The following ARHGAP32 variants were observed in gnomAD, a reference collection of about 807,000 sequenced individuals.
The protein encoded by ARHGAP32 is Rho GTPase activating protein 32, also known as rho GTPase-activating protein 32.
ARHGAP32 carries 51 observed loss-of-function variants against 186.5 expected under a neutral mutation model. The ratio of observed to expected loss-of-function variants is 0.27; its 90% CI spans 0.22 to 0.35. The LOEUF (loss-of-function observed/expected upper bound fraction) is 0.35. Among genes scored for constraint, ARHGAP32 ranks in the 10% least tolerant of loss-of-function variants. ARHGAP32 has a pLI of 1.00. For synonymous variants in ARHGAP32, 950 were observed against 964.3 expected (o/e 0.99, Z 0.27); for missense variants, 2,186 against 2,623.5 (o/e 0.83, Z 3.64).
Position 128,968,729 on chromosome 11 carries a change from A to G in ARHGAP32, c.*178T>C. ...AAAAATGACAAAGTCTATAGATGGAAGAGGGGGTAATGAAGCAGGGAAGGG... is the reference window on the plus strand; with the variant it reads ...AAAAATGACAAAGTCTATAGATGGAGGAGGGGGTAATGAAGCAGGGAAGGG... On this transcript the variant is annotated 3_prime_UTR_variant, in exon 23 of 23. Coordinates refer to ENST00000682385, the MANE Select transcript of ARHGAP32 (RefSeq NM_001378024.1). 4.2e-6 allele frequency: 2 copies of G among 475,560 alleles called. No individual in the cohort carries two copies. The highest frequency in any genetic ancestry group is 6.9e-6 in the Non-Finnish European group (2 of 290,096). The allele number at this position is 475,560 out of a possible 1,614,324, so 29.5% of individuals were successfully genotyped here. A position where few individuals can be genotyped will look rare whatever the true frequency, so the allele number is the denominator to read the frequency against.
At chr11:129,060,378 TAGATA>T (rs1406953922) in intron 10 of ARHGAP32, among the ~76,000 whole-genome samples, 12 of 145,118 alleles carry the variant, frequency 8.3e-5, no homozygotes, top group Non-Finnish European at 1.5e-4. Flanking sequence ...GATAGATAGA[TAGATA>T]AGATAGACAG....
chr11:129,186,214 T>G (rs1944157725), intron 1 of ARHGAP32, among the ~76,000 whole-genome samples: 2 of 152,264 alleles, frequency 1.3e-5, no homozygotes, highest in Middle Eastern at 3.4e-3. Flanking sequence ...AACCAGGAAC[T>G]TTTATACAGG....
intron 6 of ARHGAP32, among the ~76,000 whole-genome samples, chr11:129,078,890 C>T (rs920759580): frequency 6.6e-6 from 1 of 151,690 alleles, no homozygotes; most frequent in Non-Finnish European, 1.5e-5. Flanking sequence ...ACAAAAAAAT[C>T]TCCAGAGAAA....
intron 8 of ARHGAP32, 108 bp from the exon 9 acceptor site, chr11:129,064,132 G>C: frequency 8.1e-6 from 7 of 864,280 alleles, no homozygotes; most frequent in Non-Finnish European, 1.0e-5. Flanking sequence ...ATAACCCAAA[G>C]AGTCTTAAAA....
chr11:129,097,702 T>C (rs1036142633), intron 5 of ARHGAP32, among the ~76,000 whole-genome samples: 1 of 152,018 alleles, frequency 6.6e-6, no homozygotes, highest in African/African-American at 2.4e-5. Context: ...AACATACACA[T>C]GTAGGAGTAC....
chr11:129,091,757 T>C (rs1206090832), intron 6 of ARHGAP32, among the ~76,000 whole-genome samples: 2 of 152,046 alleles, frequency 1.3e-5, no homozygotes, highest in African/African-American at 4.8e-5. Flanking sequence ...GAAACTGAAA[T>C]CCTTGTAGTC....
chr11:129,130,213 C>G (rs1942778206), intron 2 of ARHGAP32, among the ~76,000 whole-genome samples: 1 of 152,138 alleles, frequency 6.6e-6, no homozygotes, highest in African/African-American at 2.4e-5. Context: ...ATTTATGACA[C>G]AGGAGCCAAT....
In ARHGAP32 at chr11:128,972,684, G is replaced by A. The variant is rs140063259; in HGVS notation, c.3822C>T (p.Thr1274=). ...CTGGAGTAGTTGTCATGTAAGTCAT[G>A]GTGGCTGTGCTGGTATTCTCTTCGG... ...GSPEENTSTA[T]MTYMTTTPAT... Residue 1274 remains threonine (T), a synonymous_variant, in exon 22 of 23, where the codon ACC becomes ACT. Coordinates refer to ENST00000682385, the MANE Select transcript of ARHGAP32 (RefSeq NM_001378024.1). The A allele has an allele frequency of 1.5e-5, 25 of 1,614,092 alleles. No homozygotes were observed. The highest frequency in any genetic ancestry group is 1.9e-5 in the Non-Finnish European group (23 of 1,180,014).
intron 11 of ARHGAP32, among the ~76,000 whole-genome samples, chr11:129,031,497 T>A (rs183625055): frequency 2.6e-5 from 4 of 152,316 alleles, no homozygotes; most frequent in Admixed American, 2.6e-4. Context: ...AACACCTGCA[T>A]TAAATCTAGT....
intron 1 of ARHGAP32, among the ~76,000 whole-genome samples, chr11:129,207,154 T>C (rs960798789): frequency 4.6e-5 from 7 of 152,196 alleles, no homozygotes; most frequent in South Asian, 2.1e-4. Flanking sequence ...CAGTCTATCA[T>C]TGATGGGCAT....
Position 129,209,563 on chromosome 11 carries a change from G to T in ARHGAP32, c.-4-45136C>A, listed in dbSNP as rs1333026510. On this transcript the variant is annotated intron_variant, in intron 1 of 6. Coordinates refer to the ARHGAP32 transcript ENST00000525234. The stretch of plus-strand genomic sequence containing the variant: ...GCCTTGACAGGAGCTGAATTCTTAT[G>T]TCAGAAATGGCTTGGAAGACTGCAA... Among the ~76,000 whole-genome samples, 7 of 152,066 alleles carry T rather than the reference G, an allele frequency of 4.6e-5. No homozygotes were observed. The East Asian group carries it at 1.4e-3, about 29-fold the overall frequency.
chr11:129,196,742 C>T (rs777211772), upstream of ARHGAP32, among the ~76,000 whole-genome samples: 2 of 152,118 alleles, frequency 1.3e-5, no homozygotes, highest in South Asian at 2.1e-4. Context: ...CCAGGATTAT[C>T]CAGTTCATAA....
chr11:128,969,126 G>A lies in ARHGAP32; in HGVS notation c.6087C>T (p.Ser2029=), dbSNP rs753008739. 6.2e-7 allele frequency: 1 copy of A among 1,606,330 alleles called. No individual in the cohort carries two copies. The highest frequency in any genetic ancestry group is 1.1e-5 in the South Asian group (1 of 90,016). Residue 2029 remains serine, a synonymous_variant, in exon 23 of 23, where the codon AGC becomes AGT. Coordinates refer to ENST00000682385, the MANE Select transcript of ARHGAP32 (RefSeq NM_001378024.1). The surrounding 1 kb of genome is among the most constrained non-coding windows in gnomAD (Gnocchi z 4.8). ...CATACTGGGACACAACAGTCACACTGCTCTGGCGCTTGCCGTGTGGTTGGT... is the reference window on the plus strand; with the variant it reads ...CATACTGGGACACAACAGTCACACTACTCTGGCGCTTGCCGTGTGGTTGGT... ...YQYQPHGKRQ[S]SVTVVSQYDN...
At position 128,998,431 on chromosome 11, in the gene ARHGAP32, T is replaced by A. The variant is rs932284754; in HGVS notation, c.1083A>T (p.Arg361=). The change falls in exon 12 of 23, where the codon CGA becomes CGT. Residue 361 remains arginine, a synonymous_variant. Transcript: ENST00000682385. The part of the protein sequence containing the change: ...KKHGKLITFL[R]TFMKSRPTKQ... ...TTGTTGGACGAGACTTCATGAATGT[T>A]CGTAAGAACGTAATGAGCTTGCCGT... 3.0e-5 allele frequency: 48 copies of A among 1,591,806 alleles called. No individual in the cohort carries two copies. Among genetic ancestry groups the A allele is most frequent in the Non-Finnish European group, 4.1e-5 (48 of 1,167,786 alleles).
At chr11:129,028,006 C>G (rs1484952960) in intron 11 of ARHGAP32, among the ~76,000 whole-genome samples, 3 of 152,184 alleles carry the variant, frequency 2.0e-5, no homozygotes, top group African/African-American at 7.2e-5. Flanking sequence ...GGGGGCTACT[C>G]CCAGCACTGA....
At chr11:129,135,037 T>G (rs1301005438) in intron 2 of ARHGAP32, among the ~76,000 whole-genome samples, 1 of 152,150 alleles carries the variant, frequency 6.6e-6, no homozygotes, top group East Asian at 1.9e-4. Flanking sequence ...CAAACATTGT[T>G]CAAAAATTAA....
At chr11:129,238,518 G>A (rs1432142869) in intron 1 of ARHGAP32, among the ~76,000 whole-genome samples, 2 of 152,068 alleles carry the variant, frequency 1.3e-5, no homozygotes, top group Admixed American at 1.3e-4. Flanking sequence ...TCAGTAACAG[G>A]TGCTCTTATA....
intron 1 of ARHGAP32, among the ~76,000 whole-genome samples, chr11:129,268,466 T>C (rs927046805): frequency 2.6e-5 from 4 of 151,800 alleles, no homozygotes; most frequent in African/African-American, 9.7e-5. Flanking sequence ...CCAAGGATAA[T>C]GTAGAAGGAA....
chr11:129,116,644 T>G (rs1317208096), intron 5 of ARHGAP32, among the ~76,000 whole-genome samples: 1 of 152,026 alleles, frequency 6.6e-6, no homozygotes, highest in Non-Finnish European at 1.5e-5. Flanking sequence ...TACAAGTTAA[T>G]TTTTCAAACT....
Sources: allele counts gnomAD v4.1 joint callset (sites outside exome capture counted in the v4.1 genomes callset), GRCh38; gene constraint gnomAD v4.1.1; non-coding constraint Gnocchi (gnomAD v3.1); transcripts MANE v1.5; gene names NCBI Gene and HGNC (gene_info 2026-07-23, HGNC 2026-07-21).